RPS6KA6: variants seen among roughly 807,000 people sequenced by gnomAD.
RPS6KA6 encodes ribosomal protein S6 kinase A6.
Under a neutral mutation model 65.4 loss-of-function variants are expected in RPS6KA6, and 27 were observed. The ratio of observed to expected loss-of-function variants is 0.41; its 90% CI spans 0.30 to 0.57. The LOEUF (loss-of-function observed/expected upper bound fraction) is 0.57, where lower values mean the gene tolerates loss of function less well. Ranked by LOEUF, RPS6KA6 falls within the 20% of genes least tolerant of loss-of-function variation. The pLI, the probability that RPS6KA6 is intolerant of heterozygous loss-of-function variation, is 0.24. For synonymous variants in RPS6KA6, 190 were observed against 184.2 expected (o/e 1.03, Z -0.26); for missense variants, 486 against 555.6 (o/e 0.87, Z 1.26).
In RPS6KA6 at chrX:84,065,193, C is replaced by CAA; in HGVS notation, c.1972-84_1972-83dup. On this transcript the variant is annotated intron_variant, in intron 20 of 21. Transcript: ENST00000262752. ...ACATTTGCTGAAAATGTGACAGCATCAATAGCCTTGCAATCTGTTTATTTC... is the reference window on the plus strand; with the variant it reads ...ACATTTGCTGAAAATGTGACAGCATCAAAATAGCCTTGCAATCTGTTTATTTC... The CAA allele has an allele frequency of 4.6e-6, 3 of 647,778 alleles. No individual in the cohort carries two copies. The Middle Eastern group carries it at 1.3e-3, about 280-fold the overall frequency. 53.4% of individuals were successfully genotyped at this position (647,778 alleles called of 1,213,427 possible). A position where few individuals can be genotyped will look rare whatever the true frequency, so the allele number is the denominator to read the frequency against.
intron 1 of RPS6KA6, among the ~76,000 whole-genome samples, chrX:84,168,953 T>C (rs899476464): frequency 8.9e-6 from 1 of 112,097 alleles, no homozygotes; most frequent in African/African-American, 3.2e-5. Flanking sequence ...CCACAGTGTA[T>C]ACTCATTGAT....
At chrX:84,086,949 T>C (rs1452562470) in intron 20 of RPS6KA6, among the ~76,000 whole-genome samples, 1 of 111,239 alleles carries the variant, frequency 9.0e-6, no homozygotes, top group East Asian at 2.8e-4. Context: ...TTTTAAAGTG[T>C]ATTTTGTCAG....
chrX:84,171,804 T>C (rs1208734642), intron 1 of RPS6KA6, among the ~76,000 whole-genome samples: 1 of 111,029 alleles, frequency 9.0e-6, no homozygotes, highest in African/African-American at 3.3e-5. Context: ...ATGCATTAGG[T>C]ATTTGTCCGA....
intron 18 of RPS6KA6, among the ~76,000 whole-genome samples, chrX:84,101,021 C>G (rs1002929127): frequency 5.5e-5 from 6 of 109,497 alleles, no homozygotes; most frequent in Non-Finnish European, 9.6e-5. Flanking sequence ...ATCTGATGTG[C>G]AATATTTCCC....
intron 12 of RPS6KA6, among the ~76,000 whole-genome samples, chrX:84,112,233 G>A (rs1268455838): frequency 9.0e-6 from 1 of 111,469 alleles, no homozygotes; most frequent in Non-Finnish European, 1.9e-5. Context: ...CAATAATAGT[G>A]GGGGACTTCA....
In RPS6KA6 at chrX:84,164,332, C is replaced by T; in HGVS notation, c.137G>A (p.Cys46Tyr). The T allele has an allele frequency of 8.5e-7, 1 of 1,179,511 alleles. No homozygotes were observed. Among genetic ancestry groups the T allele is most frequent in the Non-Finnish European group, 1.2e-6 (1 of 868,662 alleles). ...TAAATTAACATAAATACTTACATGA[C>T]AAGAATCTGCTTCTCCCTCTTCCAT... ...EPMEEGEADS[C>Y]HDEGVVKEIP... Residue 46 changes from cysteine to tyrosine, a missense_variant, in exon 2 of 22, where the codon TGT becomes TAT. Physicochemically the swap from Cys to Tyr is radical, Grantham distance 194. This residue lies in a region of RPS6KA6 where 106 missense variants were observed against 105.0 expected (regional missense o/e 1.01). Transcript: ENST00000262752.
At chrX:84,172,127 T>C (rs1375371071) in intron 1 of RPS6KA6, among the ~76,000 whole-genome samples, 1 of 112,069 alleles carries the variant, frequency 8.9e-6, no homozygotes, top group Non-Finnish European at 1.9e-5. Flanking sequence ...CAATAAATAG[T>C]AGTGCAATAA....
chrX:84,182,896 AC>A (rs1401495051), intron 1 of RPS6KA6, among the ~76,000 whole-genome samples: 1 of 112,340 alleles, frequency 8.9e-6, no homozygotes, highest in Non-Finnish European at 1.9e-5. Flanking sequence ...CTCTGTACTC[AC>A]GGCTGCTGAC....
chrX:84,098,502 T>G (rs1245340023), intron 18 of RPS6KA6, among the ~76,000 whole-genome samples: 1 of 111,466 alleles, frequency 9.0e-6, no homozygotes, highest in East Asian at 2.8e-4. Flanking sequence ...TATGTATTCA[T>G]GTGAGATTTA....
At chrX:84,146,147 C>T (rs778232735) in intron 5 of RPS6KA6, among the ~76,000 whole-genome samples, 23 of 111,420 alleles carry the variant, frequency 2.1e-4, no homozygotes, top group Non-Finnish European at 4.0e-4. Context: ...AGTATTTTTG[C>T]ACACAATAAG....
Position 84,116,246 on chromosome X carries a change from C to CA in RPS6KA6, c.990dup (p.Ala331CysfsTer4). 1.8e-6 allele frequency: 2 copies of CA among 1,141,273 alleles called. No individual in the cohort carries two copies. Among genetic ancestry groups the CA allele is most frequent in the Non-Finnish European group, 2.4e-6 (2 of 841,084 alleles). The allele number at this position is 1,141,273 out of a possible 1,213,427, so 94.1% of individuals were successfully genotyped here. ...TAACTTACATCCCAGTCAATATTTG[C>CA]AAAAAACAGATGTCTTTTGATTTCT... On this transcript the variant is annotated frameshift_variant, in exon 12 of 22. Transcript: ENST00000262752. LOFTEE classifies it high-confidence loss of function.
At chrX:84,068,503 T>C (rs775404665) in intron 20 of RPS6KA6, among the ~76,000 whole-genome samples, 2 of 111,755 alleles carry the variant, frequency 1.8e-5, no homozygotes, top group Non-Finnish European at 3.8e-5. Flanking sequence ...TCCCATTGAA[T>C]ACCAGCACAA....
At position 84,117,517 on chromosome X, in the gene RPS6KA6, T is replaced by C. The variant is rs777819208; in HGVS notation, c.790-63A>G. 3.9e-4 allele frequency: 287 copies of C among 727,525 alleles called. 1 individual carries two copies. The East Asian group carries it at 0.011, about 27-fold the overall frequency. 60.0% of individuals were successfully genotyped at this position (727,525 alleles called of 1,213,427 possible). On this transcript the variant is annotated intron_variant, in intron 9 of 21. Coordinates refer to ENST00000262752, the MANE Select transcript of RPS6KA6 (RefSeq NM_014496.5). ...CACCTTAGAATATATAATAAGATTC[T>C]CTAGAAAAAAACTGAGACTTCTATA...
intron 20 of RPS6KA6, among the ~76,000 whole-genome samples, chrX:84,069,651 T>C (rs1269868106): frequency 1.8e-5 from 2 of 111,832 alleles, no homozygotes; most frequent in African/African-American, 6.5e-5. Context: ...GAGAAAATTT[T>C]TGCAATCTAT....
intron 20 of RPS6KA6, among the ~76,000 whole-genome samples, chrX:84,065,817 C>T (rs779067373): frequency 1.8e-5 from 2 of 112,042 alleles, no homozygotes; most frequent in South Asian, 3.7e-4. Flanking sequence ...TAAGCATTTT[C>T]GGAGAATCTG....
At chrX:84,174,551 T>G (rs191847707) in intron 1 of RPS6KA6, among the ~76,000 whole-genome samples, 6 of 112,224 alleles carry the variant, frequency 5.3e-5, no homozygotes, top group African/African-American at 1.6e-4. Context: ...AGTTAGCTGG[T>G]AAAACATATC....
At chrX:84,121,547 T>A (rs1437678507) in intron 8 of RPS6KA6, among the ~76,000 whole-genome samples, 1 of 112,301 alleles carries the variant, frequency 8.9e-6, no homozygotes, top group Admixed American at 9.4e-5. Context: ...GTTCTGTGGT[T>A]TATATACTAT....
At chrX:84,169,248 C>A (rs753844796) in intron 1 of RPS6KA6, among the ~76,000 whole-genome samples, 7 of 111,243 alleles carry the variant, frequency 6.3e-5, no homozygotes, top group African/African-American at 2.3e-4. Context: ...TTTAAAAATT[C>A]TTTTCACATT....
intron 12 of RPS6KA6, among the ~76,000 whole-genome samples, chrX:84,111,104 T>TAG (rs2034461594): frequency 9.2e-6 from 1 of 108,682 alleles, no homozygotes; most frequent in Non-Finnish European, 1.9e-5. Flanking sequence ...GAAATAATTT[T>TAG]GAGCATGAGG....
Sources: gnomAD v4.1 joint callset for allele counts (sites outside exome capture counted in the v4.1 genomes callset) on GRCh38, gnomAD v4.1.1 for gene constraint, gnomAD v4.1.1 regional missense constraint, MANE v1.5 for transcripts, NCBI Gene and HGNC (gene_info 2026-07-23, HGNC 2026-07-21) for gene names.